Variants in CSMD1 observed in about 807,000 individuals in gnomAD.
CSMD1 encodes CUB and sushi domain-containing protein 1.
Under a neutral mutation model 417.5 loss-of-function variants are expected in CSMD1, and 213 were observed. That is an observed-to-expected ratio of 0.51 (90% confidence interval 0.46 to 0.57). CSMD1 has a LOEUF of 0.57. Ranked by LOEUF, CSMD1 falls within the 20% of genes least tolerant of loss-of-function variation. The pLI is 0.00. For missense variants in CSMD1, 6,923 were observed against 4,529.7 expected, an observed-to-expected ratio of 1.53 and a Z score of -15.17; for synonymous variants, 2,862 against 1,736.8, an observed-to-expected ratio of 1.65 and a Z score of -16.11.
intron 5 of CSMD1, among the ~76,000 whole-genome samples, chr8:3,820,955 T>C (rs1179826802): frequency 6.6e-6 from 1 of 152,052 alleles, no homozygotes; most frequent in Non-Finnish European, 1.5e-5. Flanking sequence ...TTGCTTTTGC[T>C]GCCCAAGCTG....
intron 3 of CSMD1, among the ~76,000 whole-genome samples, chr8:4,091,124 G>C (rs1204652711): frequency 2.6e-5 from 4 of 151,944 alleles, no homozygotes; most frequent in Non-Finnish European, 4.4e-5. Context: ...TCACCATTTT[G>C]GCCAGGCTGG....
At position 4,300,192 on chromosome 8, in the gene CSMD1, T is replaced by A. The variant is rs916753949; in HGVS notation, c.415+119761A>T. Among the ~76,000 whole-genome samples, 3 of 152,214 alleles carry A rather than the reference T, an allele frequency of 2.0e-5. No homozygotes were observed. The East Asian group carries it at 5.8e-4, about 29-fold the overall frequency. On this transcript the variant is annotated intron_variant, in intron 3 of 69. Coordinates refer to ENST00000635120, the MANE Select transcript of CSMD1 (RefSeq NM_033225.6). ...AAACAGACAATTTCCTTTTTGCCTA[T>A]CTCACAGAAGGTGTGTAATGTTCAG...
intron 1 of CSMD1, among the ~76,000 whole-genome samples, chr8:4,868,624 C>A (rs532730489): frequency 1.8e-4 from 27 of 152,164 alleles, no homozygotes; most frequent in Admixed American, 5.2e-4. Flanking sequence ...AGTGTTCAAT[C>A]ATCTACTTAA....
At position 3,601,229 on chromosome 8, in the gene CSMD1, T is replaced by A. The variant is rs549244978; in HGVS notation, c.1098-14969A>T. Among the ~76,000 whole-genome samples the A allele has an allele frequency of 7.9e-5, 12 of 152,302 alleles. No homozygotes were observed. The South Asian group carries it at 2.1e-3, about 26-fold the overall frequency. The stretch of plus-strand genomic sequence containing the variant: ...CTCATTGGCCTCACATCTTTATTAT[T>A]TTTCCAAGAACATTATTTGATGGAG... On this transcript the variant is annotated intron_variant, in intron 8 of 69. Transcript: ENST00000635120.
chr8:3,561,260 T>C (rs1799455381), intron 10 of CSMD1, among the ~76,000 whole-genome samples: 1 of 152,182 alleles, frequency 6.6e-6, no homozygotes, highest in Admixed American at 6.5e-5. Flanking sequence ...AACTCCCACT[T>C]CACTCAGCAA....
intron 1 of CSMD1, among the ~76,000 whole-genome samples, chr8:4,729,313 A>G (rs1324848274): frequency 6.6e-6 from 1 of 152,190 alleles, no homozygotes; most frequent in African/African-American, 2.4e-5. Context: ...TGATCCACAC[A>G]AAGGTGTTTT....
chr8:3,136,516 C>T (rs1005539193), intron 41 of CSMD1, among the ~76,000 whole-genome samples: 16 of 152,086 alleles, frequency 1.1e-4, no homozygotes, highest in African/African-American at 3.1e-4. Flanking sequence ...CTACCCACCT[C>T]GGCCTCCCAA....
chr8:3,375,028 G>A (rs1341978305), intron 18 of CSMD1: 3 of 152,206 alleles, frequency 2.0e-5, no homozygotes, highest in Non-Finnish European at 4.4e-5. Flanking sequence ...GGGAAAAAGA[G>A]GAGCTGGTGA....
chr8:4,278,562 C>G (rs914866113), intron 3 of CSMD1, among the ~76,000 whole-genome samples: 4 of 152,102 alleles, frequency 2.6e-5, no homozygotes, highest in Admixed American at 2.6e-4. Context: ...TATAACAAAA[C>G]GTTAGATAAC....
intron 2 of CSMD1, among the ~76,000 whole-genome samples, chr8:4,461,025 A>G (rs930073512): frequency 6.6e-6 from 1 of 152,194 alleles, no homozygotes; most frequent in African/African-American, 2.4e-5. Context: ...ACAAATCAAG[A>G]AATTCAGATC....
chr8:4,203,803 T>A (rs1280285708), intron 3 of CSMD1, among the ~76,000 whole-genome samples: 1 of 152,182 alleles, frequency 6.6e-6, no homozygotes. Flanking sequence ...TGAGGATGGA[T>A]TAAAACTAAA....
chr8:4,100,970 G>C (rs1271116553), intron 3 of CSMD1, among the ~76,000 whole-genome samples: 1 of 152,170 alleles, frequency 6.6e-6, no homozygotes, highest in African/African-American at 2.4e-5. Context: ...CACTCCATCA[G>C]CACAATACTG....
intron 10 of CSMD1, among the ~76,000 whole-genome samples, chr8:3,544,304 A>G (rs1446345813): frequency 6.6e-6 from 1 of 152,230 alleles, no homozygotes; most frequent in African/African-American, 2.4e-5. Flanking sequence ...AAAATAATAT[A>G]GATTCTTGCA....
intron 50 of CSMD1, among the ~76,000 whole-genome samples, chr8:3,050,745 G>C (rs1348267268): frequency 6.6e-6 from 1 of 152,038 alleles, no homozygotes; most frequent in Admixed American, 6.6e-5. Context: ...AAAAGCTTTT[G>C]GGAAGAACTC....
intron 5 of CSMD1, among the ~76,000 whole-genome samples, chr8:3,800,686 T>A (rs572008582): frequency 6.6e-6 from 1 of 151,956 alleles, no homozygotes; most frequent in East Asian, 1.9e-4. Flanking sequence ...CTCGTGGGAG[T>A]GAGTGAGTTC....
chr8:4,426,797 G>A (rs1280811451), intron 2 of CSMD1, among the ~76,000 whole-genome samples: 1 of 148,142 alleles, frequency 6.8e-6, no homozygotes, highest in African/African-American at 2.5e-5. Flanking sequence ...ATATAATATA[G>A]AAATATAGTA....
intron 42 of CSMD1, among the ~76,000 whole-genome samples, chr8:3,116,403 T>C (rs140198503): frequency 7.1e-4 from 108 of 152,300 alleles, no homozygotes; most frequent in African/African-American, 2.4e-3. Flanking sequence ...ACATGTGTCT[T>C]TTCCCTGGAA....
At chr8:4,778,354 A>T (rs549607872) in intron 1 of CSMD1, among the ~76,000 whole-genome samples, 1 of 152,246 alleles carries the variant, frequency 6.6e-6, no homozygotes, top group East Asian at 1.9e-4. Flanking sequence ...CATTGTTTTG[A>T]TGATTTTTCC....
intron 30 of CSMD1, among the ~76,000 whole-genome samples, chr8:3,213,838 G>C (rs1187166346): frequency 7.0e-6 from 1 of 143,484 alleles, no homozygotes; most frequent in Non-Finnish European, 1.5e-5. Context: ...GTGTATGTGT[G>C]TGTGTGTATA....
Sources: gnomAD v4.1 joint callset for allele counts (sites outside exome capture counted in the v4.1 genomes callset) on GRCh38, gnomAD v4.1.1 for gene constraint, MANE v1.5 for transcripts, NCBI Gene and HGNC (gene_info 2026-07-23, HGNC 2026-07-21) for gene names.